Variants in PLCL2 observed in about 807,000 individuals in gnomAD.
PLCL2 encodes inactive phospholipase C-like protein 2.
A neutral mutation model predicts 79.6 loss-of-function variants in PLCL2; 4 were observed. The observed-to-expected ratio is 0.05, with a 90% CI of 0.02 to 0.11. PLCL2 has a LOEUF of 0.11. PLCL2 is among the 10% of genes least tolerant of loss of function. The pLI, the probability that PLCL2 is intolerant of heterozygous loss-of-function variation, is 1.00. For missense variants in PLCL2, 895 were observed against 1,291.0 expected (o/e 0.69, Z 4.70); for synonymous variants, 484 against 457.7 (o/e 1.06, Z -0.73).
intron 1 of PLCL2, among the ~76,000 whole-genome samples, chr3:16,953,235 A>T (rs998013018): frequency 1.3e-5 from 2 of 152,182 alleles, no homozygotes; most frequent in Admixed American, 6.5e-5. Flanking sequence ...ATCACATGTA[A>T]TGCATTATAA....
chr3:17,014,425 T>C (rs1395798259), intron 2 of PLCL2, among the ~76,000 whole-genome samples: 2 of 152,218 alleles, frequency 1.3e-5, no homozygotes, highest in Non-Finnish European at 1.5e-5. Context: ...AGCACTACTA[T>C]GAACTTTGGG....
chr3:16,939,361 C>T (rs1697621098), intron 1 of PLCL2, among the ~76,000 whole-genome samples: 1 of 152,120 alleles, frequency 6.6e-6, no homozygotes, highest in South Asian at 2.1e-4. Context: ...TTTATTGGGA[C>T]ATGGAACTAT....
intron 1 of PLCL2, among the ~76,000 whole-genome samples, chr3:16,978,631 T>G (rs1405228263): frequency 6.6e-6 from 1 of 152,222 alleles, no homozygotes; most frequent in African/African-American, 2.4e-5. Context: ...GGAGAAGTTC[T>G]GTTGTCCACA....
chr3:16,887,719 A>T lies in PLCL2; in HGVS notation c.327+2353A>T, dbSNP rs900987993. ...CCTAATAGAAAACAAAGTCTTTAAC[A>T]TCAAATTTCATAAAGCAACAAATAC... On this transcript the variant is annotated intron_variant, in intron 1 of 5. Coordinates refer to ENST00000615277, the MANE Select transcript of PLCL2 (RefSeq NM_001144382.2). This position sits in a 1 kb window ranked among gnomAD's most constrained non-coding sequence, Gnocchi z 4.1. Among the ~76,000 whole-genome samples the T allele has an allele frequency of 1.3e-5, 2 of 152,228 alleles. No individual in the cohort carries two copies. The highest frequency in any genetic ancestry group is 2.9e-5 in the Non-Finnish European group (2 of 68,030).
intron 5 of PLCL2, among the ~76,000 whole-genome samples, chr3:17,089,132 G>T (rs1035836081): frequency 1.2e-4 from 18 of 152,286 alleles, no homozygotes; most frequent in Non-Finnish European, 1.8e-4. Flanking sequence ...GGGTGGGTGT[G>T]ACTTCCTGGT....
intron 1 of PLCL2, among the ~76,000 whole-genome samples, chr3:16,948,633 A>G (rs1413810822): frequency 6.6e-6 from 1 of 152,234 alleles, no homozygotes; most frequent in Non-Finnish European, 1.5e-5. Context: ...GAGCATGGTC[A>G]GTGACAGAGG....
intron 1 of PLCL2, among the ~76,000 whole-genome samples, chr3:16,959,773 C>T (rs2063738739): frequency 6.6e-6 from 1 of 152,208 alleles, no homozygotes; most frequent in South Asian, 2.1e-4. Context: ...TGTCCCACTA[C>T]AGTGTCTCTT....
intron 5 of PLCL2, among the ~76,000 whole-genome samples, chr3:17,084,390 T>C (rs2065194711): frequency 6.6e-6 from 1 of 152,118 alleles, no homozygotes. Context: ...TACAATATCT[T>C]CCAGAAAATA....
At chr3:16,903,459 GA>G (rs1696676445) in intron 1 of PLCL2, among the ~76,000 whole-genome samples, 1 of 152,192 alleles carries the variant, frequency 6.6e-6, no homozygotes, top group African/African-American at 2.4e-5. Flanking sequence ...TGTGGTCACA[GA>G]TATCTGTCTC....
chr3:16,981,540 T>C (rs2063998609), intron 1 of PLCL2, among the ~76,000 whole-genome samples: 1 of 152,246 alleles, frequency 6.6e-6, no homozygotes. Context: ...GGTTCAATTG[T>C]AATTGTTCTA....
chr3:17,046,277 AT>A (rs780499538), intron 4 of PLCL2, among the ~76,000 whole-genome samples: 1 of 152,306 alleles, frequency 6.6e-6, no homozygotes, highest in South Asian at 2.1e-4. Context: ...TTGGGAAAAG[AT>A]TTGTCAAATT....
chr3:17,032,326 G>A (rs572452397), intron 3 of PLCL2, among the ~76,000 whole-genome samples: 11 of 152,138 alleles, frequency 7.2e-5, no homozygotes, highest in African/African-American at 2.6e-4. Context: ...TTAAATCTAA[G>A]TTTGGTTGTG....
chr3:16,981,936 T>C (rs1575569512), intron 1 of PLCL2, among the ~76,000 whole-genome samples: 2 of 152,252 alleles, frequency 1.3e-5, no homozygotes, highest in East Asian at 3.8e-4. Context: ...GATGTTCTAT[T>C]TCCTTCATCT....
chr3:16,956,867 G>A (rs2063710618), intron 1 of PLCL2, among the ~76,000 whole-genome samples: 1 of 152,166 alleles, frequency 6.6e-6, no homozygotes, highest in Non-Finnish European at 1.5e-5. Context: ...TGTGGGATCA[G>A]TGGTGATATC....
At chr3:17,074,373 C>T (rs1184016014) in intron 5 of PLCL2, among the ~76,000 whole-genome samples, 7 of 152,176 alleles carry the variant, frequency 4.6e-5, no homozygotes, top group Non-Finnish European at 7.3e-5. Context: ...GCTGTAAACA[C>T]GTATGTTCTC....
intron 1 of PLCL2, among the ~76,000 whole-genome samples, chr3:16,994,200 A>G (rs1253274849): frequency 6.6e-6 from 1 of 152,230 alleles, no homozygotes; most frequent in Non-Finnish European, 1.5e-5. Context: ...TTATGGTTTT[A>G]GAAAGGTATA....
At chr3:16,943,776 T>C (rs572176609) in intron 1 of PLCL2, among the ~76,000 whole-genome samples, 2 of 152,354 alleles carry the variant, frequency 1.3e-5, no homozygotes, top group Non-Finnish European at 2.9e-5. Flanking sequence ...GGTTATTCCA[T>C]AATCTTTAAG....
rs547419730 is a variant in PLCL2 at position 16,924,222 on chromosome 3, T to C, written c.327+38856T>C. Among the ~76,000 whole-genome samples, 3 of 152,338 alleles carry C rather than the reference T, an allele frequency of 2.0e-5. No homozygotes were observed. The South Asian group carries it at 6.2e-4, about 32-fold the overall frequency. Reference sequence around the variant, plus strand: ...AACTGTAATTTTTAATATTATAATGTGGCAACTCTGGAAATGAGATTTCCC... The same window carrying C: ...AACTGTAATTTTTAATATTATAATGCGGCAACTCTGGAAATGAGATTTCCC... On this transcript the variant is annotated intron_variant, in intron 1 of 5. Coordinates refer to ENST00000615277, the MANE Select transcript of PLCL2 (RefSeq NM_001144382.2).
chr3:17,073,445 G>A (rs991950327), intron 5 of PLCL2, among the ~76,000 whole-genome samples: 1 of 152,150 alleles, frequency 6.6e-6, no homozygotes, highest in African/African-American at 2.4e-5. Flanking sequence ...CTGGTGGAGG[G>A]TCTCACCTCC....
Sources: allele counts gnomAD v4.1 joint callset (sites outside exome capture counted in the v4.1 genomes callset), GRCh38; gene constraint gnomAD v4.1.1; non-coding constraint Gnocchi (gnomAD v3.1); transcripts MANE v1.5; gene names NCBI Gene and HGNC (gene_info 2026-07-23, HGNC 2026-07-21).